The following EML6 variants were observed in gnomAD, a reference collection of about 807,000 sequenced individuals.
The protein encoded by EML6 is echinoderm microtubule-associated protein-like 6.
A neutral mutation model predicts 240.1 loss-of-function variants in EML6; 154 were observed. That is an observed-to-expected ratio of 0.64 (90% confidence interval 0.56 to 0.73). The LOEUF (loss-of-function observed/expected upper bound fraction) is 0.73. Among genes scored for constraint, EML6 ranks in the 30% least tolerant of loss-of-function variants. The pLI is 0.00. For synonymous variants in EML6, 1,148 were observed against 899.0 expected, an observed-to-expected ratio of 1.28 and a Z score of -4.95; for missense variants, 2,964 against 2,474.6, an observed-to-expected ratio of 1.20 and a Z score of -4.20.
intron 31 of EML6, 123 bp downstream of exon 31, chr2:54,952,815 G>T: frequency 1.5e-6 from 1 of 652,632 alleles, no homozygotes; most frequent in Non-Finnish European, 2.7e-6. Context: ...TGTTGCTGTT[G>T]ATTTTTTGAG....
In EML6 at chr2:54,724,840, C is replaced by A; in HGVS notation, c.-222C>A. ...TTGCCCGGGTAGAGGGAGCCCGGCG[C>A]CCGGCGGGGTCTGGCGGCCGCACAC... On this transcript the variant is annotated 5_prime_UTR_variant, in exon 2 of 42. Coordinates refer to ENST00000356458, the MANE Select transcript of EML6 (RefSeq NM_001039753.4). This position sits in a 1 kb window ranked among gnomAD's most constrained non-coding sequence, Gnocchi z 5.2. 5.3e-6 allele frequency: 1 copy of A among 189,696 alleles called. No individual in the cohort carries two copies. The highest frequency in any genetic ancestry group is 1.0e-5 in the Non-Finnish European group (1 of 98,720). The allele number at this position is 189,696 out of a possible 1,614,324, so 11.8% of individuals were successfully genotyped here.
intron 26 of EML6, among the ~76,000 whole-genome samples, chr2:54,921,324 C>T (rs937608347): frequency 6.6e-6 from 1 of 152,008 alleles, no homozygotes; most frequent in Non-Finnish European, 1.5e-5. Flanking sequence ...TCTACAAAAA[C>T]TGTATCATCA....
chr2:54,902,565 A>AT (rs1245164228), intron 22 of EML6, among the ~76,000 whole-genome samples: 1 of 144,096 alleles, frequency 6.9e-6, no homozygotes, highest in African/African-American at 2.8e-5. Context: ...TTCCTGGCTA[A>AT]TTTTTGTATT....
intron 7 of EML6, among the ~76,000 whole-genome samples, chr2:54,832,370 C>A (rs2104204043): frequency 6.6e-6 from 1 of 152,292 alleles, no homozygotes; most frequent in East Asian, 1.9e-4. Context: ...AGTTCCAGAG[C>A]CACCTTCCAT....
chr2:54,875,289 C>T (rs373101716), intron 16 of EML6, among the ~76,000 whole-genome samples: 1 of 152,184 alleles, frequency 6.6e-6, no homozygotes, highest in African/African-American at 2.4e-5. Flanking sequence ...CCTTTGGAAA[C>T]TGATAGAAAA....
intron 7 of EML6, among the ~76,000 whole-genome samples, chr2:54,838,534 T>A (rs914253974): frequency 6.6e-6 from 1 of 152,204 alleles, no homozygotes; most frequent in Non-Finnish European, 1.5e-5. Context: ...AAATAAGCAA[T>A]GTCCCTTAGT....
chr2:54,966,861 C>T, intron 38 of EML6, 139 bp from the exon 39 acceptor site: 2 of 564,840 alleles, frequency 3.5e-6, no homozygotes, highest in East Asian at 3.0e-5. Context: ...ATAGGCTTTG[C>T]AGCCTGGAGC....
chr2:54,743,254 C>A (rs992534221), intron 2 of EML6, among the ~76,000 whole-genome samples: 2 of 152,184 alleles, frequency 1.3e-5, no homozygotes, highest in African/African-American at 4.8e-5. Context: ...TGGAGACACA[C>A]CAGTTCACTG....
chr2:54,829,514 G>A (rs1668758916), intron 7 of EML6, 37 bp downstream of exon 7: 2 of 1,501,042 alleles, frequency 1.3e-6, no homozygotes, highest in African/African-American at 1.4e-5. Flanking sequence ...AACTCTGGAT[G>A]TGAAATATAA....
chr2:54,861,018 A>G (rs1266588408), intron 12 of EML6, among the ~76,000 whole-genome samples: 1 of 152,222 alleles, frequency 6.6e-6, no homozygotes, highest in Non-Finnish European at 1.5e-5. Context: ...AGCAGTGCAG[A>G]AAAAGGTTGG....
chr2:54,866,722 C>T (rs4671981), intron 13 of EML6, 44 bp from the exon 14 acceptor site: 6 of 1,134,154 alleles, frequency 5.3e-6, no homozygotes, highest in Admixed American at 2.4e-5. Context: ...TTTTTGGAAC[C>T]TGATGAAAGG....
At chr2:54,816,914 G>C (rs370983931) in intron 4 of EML6, 29 bp downstream of exon 4, 3 of 1,453,614 alleles carry the variant, frequency 2.1e-6, no homozygotes, top group African/African-American at 2.8e-5. Context: ...AAGCTATGCA[G>C]ATTTCAGAAC....
chr2:54,827,351 T>C (rs140848495), intron 5 of EML6, among the ~76,000 whole-genome samples: 228 of 152,312 alleles, frequency 1.5e-3, no homozygotes, highest in African/African-American at 5.3e-3. Context: ...TTTGAAAGTT[T>C]TAAAAGTGTT....
At chr2:54,794,578 A>G (rs1312985120) in intron 2 of EML6, among the ~76,000 whole-genome samples, 3 of 151,992 alleles carry the variant, frequency 2.0e-5, no homozygotes, top group Non-Finnish European at 2.9e-5. Context: ...ATGCCCCCTA[A>G]AGGATCCTGT....
chr2:54,899,464 G>A (rs940399545), intron 21 of EML6, among the ~76,000 whole-genome samples, 177 bp from the exon 22 acceptor site: 1 of 151,732 alleles, frequency 6.6e-6, no homozygotes, highest in African/African-American at 2.4e-5. Context: ...GTAGATTCAA[G>A]TTTAAATGAA....
chr2:54,933,333 A>G (rs1674959905), intron 28 of EML6, among the ~76,000 whole-genome samples: 2 of 152,134 alleles, frequency 1.3e-5, no homozygotes, highest in Non-Finnish European at 1.5e-5. Context: ...CCTCTCTGTA[A>G]TCACTTCCCC....
At chr2:54,741,921 G>T (rs1047832749) in intron 2 of EML6, among the ~76,000 whole-genome samples, 4 of 152,188 alleles carry the variant, frequency 2.6e-5, no homozygotes, top group African/African-American at 9.7e-5. Flanking sequence ...AACTAGTGAT[G>T]AAGTTTTGTT....
intron 2 of EML6, among the ~76,000 whole-genome samples, chr2:54,728,142 C>T (rs1298304186): frequency 6.6e-6 from 1 of 152,176 alleles, no homozygotes; most frequent in African/African-American, 2.4e-5. Context: ...TGTGATAGAA[C>T]AAGTGAATAC....
At chr2:54,955,727 G>C (rs991262786) in intron 32 of EML6, among the ~76,000 whole-genome samples, 4 of 152,194 alleles carry the variant, frequency 2.6e-5, no homozygotes, top group Admixed American at 2.0e-4. Flanking sequence ...GGGAAGGTTA[G>C]AGGAGCCAGG....
Sources: allele counts gnomAD v4.1 joint callset (sites outside exome capture counted in the v4.1 genomes callset), GRCh38; gene constraint gnomAD v4.1.1; non-coding constraint Gnocchi (gnomAD v3.1); transcripts MANE v1.5; gene names NCBI Gene and HGNC (gene_info 2026-07-23, HGNC 2026-07-21).